The following CPNE4 variants were observed in gnomAD, a reference collection of about 807,000 sequenced individuals.
CPNE4 encodes the protein copine-4.
In CPNE4, 25 loss-of-function variants were observed where a neutral mutation model predicts 67.9. That is an observed-to-expected ratio of 0.37 (90% CI 0.27 to 0.51). The LOEUF (loss-of-function observed/expected upper bound fraction) is 0.51. CPNE4 is among the 20% of genes least tolerant of loss of function. The probability of loss-of-function intolerance (pLI) is 0.93; values close to 1 mark genes in which losing one functional copy is unlikely to be tolerated. For synonymous variants in CPNE4, 242 were observed against 244.9 expected (o/e 0.99, Z 0.11); for missense variants, 464 against 690.8 (o/e 0.67, Z 3.68).
chr3:131,707,713 C>T (rs1218396114), intron 3 of CPNE4, among the ~76,000 whole-genome samples: 1 of 152,106 alleles, frequency 6.6e-6, no homozygotes, highest in African/African-American at 2.4e-5. Flanking sequence ...TTACAAGATA[C>T]ACAAAGAAAT....
chr3:131,929,354 C>T (rs2070989426), intron 1 of CPNE4, among the ~76,000 whole-genome samples: 3 of 152,124 alleles, frequency 2.0e-5, no homozygotes, highest in African/African-American at 7.2e-5. Context: ...CTAGAGATCC[C>T]AGGTAAAGAC....
intron 2 of CPNE4, among the ~76,000 whole-genome samples, chr3:131,796,225 C>T (rs546933087): frequency 6.6e-6 from 1 of 152,120 alleles, no homozygotes; most frequent in African/African-American, 2.4e-5. Flanking sequence ...TGAATCATAG[C>T]CATCTTGTGA....
At chr3:131,792,623 ATATATATACACACGTGTATATATG>A (rs1450742830) in intron 2 of CPNE4, among the ~76,000 whole-genome samples, 1,285 of 76,014 alleles carry the variant, frequency 0.017, 79 homozygotes, top group East Asian at 0.075. Context: ...ATATATGTAT[ATATATATACACACGTGTATATATG>A]TATATATACA....
At chr3:131,879,146 T>C (rs917754451) in intron 2 of CPNE4, among the ~76,000 whole-genome samples, 29 of 138,360 alleles carry the variant, frequency 2.1e-4, no homozygotes, top group Non-Finnish European at 2.3e-4. Flanking sequence ...GAAAGAGACA[T>C]ACTCAGAGTG....
At chr3:131,686,060 T>G in intron 5 of CPNE4, 102 bp from the exon 6 acceptor site, 4 of 668,158 alleles carry the variant, frequency 6.0e-6, no homozygotes, top group Non-Finnish European at 1.0e-5. Context: ...CTTGATTTCC[T>G]ATTTTTTATA....
intron 3 of CPNE4, 64 bp downstream of exon 3, chr3:131,723,382 G>T: frequency 7.1e-7 from 1 of 1,406,482 alleles, no homozygotes; most frequent in South Asian, 1.2e-5. Context: ...GGAAGAGAGG[G>T]AAAGGGGGCA....
intron 1 of CPNE4, 21 bp from the exon 2 acceptor site, chr3:131,905,465 A>G (rs759585615): frequency 1.3e-6 from 2 of 1,595,188 alleles, no homozygotes; most frequent in East Asian, 2.3e-5. Context: ...CAAGTAAAAG[A>G]ATAAAAAAGA....
chr3:131,896,524 A>T (rs1010214478), intron 2 of CPNE4, among the ~76,000 whole-genome samples: 1 of 152,166 alleles, frequency 6.6e-6, no homozygotes, highest in Non-Finnish European at 1.5e-5. Flanking sequence ...GAAAATATGT[A>T]TGTAAAGAGT....
chr3:131,882,022 G>A (rs142670178), intron 2 of CPNE4, among the ~76,000 whole-genome samples: 104 of 152,078 alleles, frequency 6.8e-4, no homozygotes, highest in Non-Finnish European at 1.0e-3. Context: ...AATGTGACAG[G>A]TTATTAAATC....
At chr3:131,999,618 C>A (rs1382824120) in intron 1 of CPNE4, among the ~76,000 whole-genome samples, 1 of 151,950 alleles carries the variant, frequency 6.6e-6, no homozygotes, top group Non-Finnish European at 1.5e-5. Context: ...CTTTGAAATG[C>A]ACCAAAATAT....
intron 1 of CPNE4, among the ~76,000 whole-genome samples, chr3:131,977,362 C>G (rs1012524234): frequency 6.6e-6 from 1 of 152,062 alleles, no homozygotes; most frequent in African/African-American, 2.4e-5. Context: ...AAACAAGATA[C>G]AGTAATAATT....
chr3:131,971,415 CT>C (rs1005992239), intron 1 of CPNE4, among the ~76,000 whole-genome samples: 1 of 152,170 alleles, frequency 6.6e-6, no homozygotes, highest in Non-Finnish European at 1.5e-5. Flanking sequence ...ACATTTGGAA[CT>C]ATCTTTTTTA....
intron 2 of CPNE4, among the ~76,000 whole-genome samples, chr3:131,798,287 T>G (rs1329212172): frequency 6.6e-6 from 1 of 152,088 alleles, no homozygotes; most frequent in Non-Finnish European, 1.5e-5. Context: ...AAATGAACAC[T>G]CTTCAGAGGC....
Position 131,701,442 on chromosome 3 carries a change from G to C in CPNE4, c.361-1462C>G, listed in dbSNP as rs149172024. Among the ~76,000 whole-genome samples the C allele has an allele frequency of 2.6e-5, 4 of 152,284 alleles. No individual in the cohort carries two copies. The East Asian group carries it at 7.7e-4, about 29-fold the overall frequency. ...TTCTAAAAAATAGAATAATACAAAA[G>C]TGATGGGATATCACTTCTGAGAATA... On this transcript the variant is annotated intron_variant, in intron 3 of 15. Transcript: ENST00000429747.
intron 11 of CPNE4, among the ~76,000 whole-genome samples, chr3:131,562,634 A>T (rs116386247): frequency 1.3e-5 from 2 of 152,120 alleles, no homozygotes; most frequent in African/African-American, 4.8e-5. Flanking sequence ...GGTATAAAGA[A>T]GGAAGAAAAT....
chr3:131,801,415 C>CGTGTGTGT (rs796117335), intron 2 of CPNE4, among the ~76,000 whole-genome samples: 56 of 66,050 alleles, frequency 8.5e-4, no homozygotes, highest in Middle Eastern at 8.1e-3. Context: ...TACATATATA[C>CGTGTGTGT]GTGTGTGTGT....
intron 1 of CPNE4, among the ~76,000 whole-genome samples, chr3:132,032,033 C>G (rs1286696208): frequency 6.6e-6 from 1 of 152,086 alleles, no homozygotes; most frequent in Non-Finnish European, 1.5e-5. Flanking sequence ...TACTTTAGAA[C>G]AAACACCTTT....
At chr3:131,987,631 A>AC (rs556759213) in intron 1 of CPNE4, among the ~76,000 whole-genome samples, 1,713 of 151,692 alleles carry the variant, frequency 0.011, 45 homozygotes, top group African/African-American at 0.039. Context: ...CACGTGATCC[A>AC]CCCCCCTTGG....
intron 2 of CPNE4, among the ~76,000 whole-genome samples, chr3:131,886,599 G>GT (rs945467472): frequency 1.8e-4 from 27 of 152,216 alleles, no homozygotes; most frequent in African/African-American, 6.0e-4. Flanking sequence ...CAGACACTCA[G>GT]TGCCAGCCTG....
Sources: gnomAD v4.1 joint callset for allele counts (sites outside exome capture counted in the v4.1 genomes callset) on GRCh38, gnomAD v4.1.1 for gene constraint, MANE v1.5 for transcripts, NCBI Gene and HGNC (gene_info 2026-07-23, HGNC 2026-07-21) for gene names.